SDK1: variants seen among roughly 807,000 people sequenced by gnomAD.
SDK1 encodes sidekick cell adhesion molecule 1, also known as protein sidekick-1.
A neutral mutation model predicts 245.5 loss-of-function variants in SDK1; 157 were observed. The ratio of observed to expected loss-of-function variants is 0.64; its 90% confidence interval spans 0.56 to 0.73. SDK1 has a LOEUF of 0.73. Ranked by LOEUF, SDK1 falls within the 30% of genes least tolerant of loss-of-function variation. The probability of loss-of-function intolerance (pLI) is 0.00; values close to 1 mark genes in which losing one functional copy is unlikely to be tolerated. For missense variants in SDK1, 3,583 were observed against 3,002.3 expected (o/e 1.19, Z -4.52); for synonymous variants, 1,647 against 1,278.5 (o/e 1.29, Z -6.15).
chr7:3,480,448 C>G (rs996474772), intron 1 of SDK1, among the ~76,000 whole-genome samples: 7 of 151,316 alleles, frequency 4.6e-5, no homozygotes, highest in African/African-American at 1.7e-4. Flanking sequence ...GGAAGAACTT[C>G]CGTGTTCCAG....
At chr7:3,929,940 C>G (rs939857616) in intron 5 of SDK1, among the ~76,000 whole-genome samples, 3 of 152,026 alleles carry the variant, frequency 2.0e-5, no homozygotes. Context: ...GTGAGGGGAG[C>G]CGGCGTGTCA....
rs542546486 is a variant in SDK1 at position 3,425,900 on chromosome 7, C to T, written c.298+124016C>T. Among the ~76,000 whole-genome samples, 1,380 of 152,250 alleles carry T rather than the reference C, an allele frequency of 9.1e-3. 19 individuals carry two copies. Among genetic ancestry groups the T allele is most frequent in the South Asian group, 0.018 (88 of 4,814 alleles). ...CAAAAGATAAGAGACAATAGGAGCC[C>T]ACATAGGATGGAAAGCTAGAAATCA... On this transcript the variant is annotated intron_variant, in intron 1 of 44. Transcript: ENST00000404826.
chr7:3,521,119 G>A (rs1189343543), intron 1 of SDK1, among the ~76,000 whole-genome samples: 1 of 152,142 alleles, frequency 6.6e-6, no homozygotes, highest in African/African-American at 2.4e-5. Flanking sequence ...TCTTCTGCCA[G>A]CTCTTGGCCA....
At chr7:3,501,338 G>C (rs951734665) in intron 1 of SDK1, among the ~76,000 whole-genome samples, 2 of 151,088 alleles carry the variant, frequency 1.3e-5, no homozygotes, top group Non-Finnish European at 2.9e-5. Flanking sequence ...TCTCCAACTT[G>C]CTCTTTCCAA....
chr7:4,031,459 G>A lies in SDK1; in HGVS notation c.2602+14107G>A, dbSNP rs145187816. 2.4e-3 allele frequency among the ~76,000 whole-genome samples: 362 copies of A among 152,184 alleles called. 2 individuals carry two copies. The highest frequency in any genetic ancestry group is 8.2e-3 in the African/African-American group (341 of 41,516). On this transcript the variant is annotated intron_variant, in intron 17 of 44. Transcript: ENST00000404826. ...GTATCCAGAGAAAGAGAGGACTAAG[G>A]TTCTATGTAAACGTCTGAATTATGT...
At chr7:3,847,725 C>A (rs573941269) in intron 5 of SDK1, among the ~76,000 whole-genome samples, 18 of 152,332 alleles carry the variant, frequency 1.2e-4, no homozygotes, top group African/African-American at 3.4e-4. Context: ...TTTGTACCTG[C>A]AAATAGTTGC....
chr7:3,825,324 A>C (rs1266301622), intron 5 of SDK1, among the ~76,000 whole-genome samples: 2 of 151,240 alleles, frequency 1.3e-5, no homozygotes, highest in African/African-American at 2.4e-5. Flanking sequence ...CCTCTAAAAA[A>C]AAAAAAAAAA....
chr7:4,235,872 C>T (rs1171078275), intron 41 of SDK1, among the ~76,000 whole-genome samples: 2 of 152,226 alleles, frequency 1.3e-5, no homozygotes, highest in East Asian at 1.9e-4. Context: ...TGTCCTGCCC[C>T]GTATGAGAGT....
intron 1 of SDK1, among the ~76,000 whole-genome samples, chr7:3,328,960 A>T (rs990008904): frequency 2.0e-5 from 3 of 152,164 alleles, no homozygotes; most frequent in Admixed American, 6.5e-5. Flanking sequence ...AAATGTAAGG[A>T]ATCATTTAAA....
chr7:3,638,327 G>A (rs371828563), intron 2 of SDK1, among the ~76,000 whole-genome samples: 5 of 152,042 alleles, frequency 3.3e-5, no homozygotes, highest in Admixed American at 6.5e-5. Flanking sequence ...ATAAAGACAC[G>A]TGCACACGTA....
At chr7:4,189,824 T>A (rs1440919076) in intron 35 of SDK1, among the ~76,000 whole-genome samples, 1 of 152,210 alleles carries the variant, frequency 6.6e-6, no homozygotes, top group Non-Finnish European at 1.5e-5. Flanking sequence ...TTGGTGGCTT[T>A]AGGTGGTGTT....
Position 4,265,424 on chromosome 7 carries a change from C to T in SDK1, c.*40C>T. The T allele has an allele frequency of 7.1e-7, 1 of 1,403,940 alleles. No homozygotes were observed. The highest frequency in any genetic ancestry group is 9.2e-7 in the Non-Finnish European group (1 of 1,087,510). 87.0% of individuals were successfully genotyped at this position (1,403,940 alleles called of 1,614,324 possible). The stretch of plus-strand genomic sequence containing the variant: ...CTCCCTCAGGGCGGAACGGAGGCAA[C>T]TTTCCGGAGTCTATTTTTGTTAAGA... On this transcript the variant is annotated 3_prime_UTR_variant, in exon 45 of 45. Coordinates refer to ENST00000404826, the MANE Select transcript of SDK1 (RefSeq NM_152744.4).
chr7:3,580,090 C>T (rs1008192740), intron 1 of SDK1, among the ~76,000 whole-genome samples: 13 of 151,974 alleles, frequency 8.6e-5, no homozygotes, highest in African/African-American at 2.2e-4. Context: ...AACCAGGGAG[C>T]CAAGAGATCT....
At chr7:3,343,571 A>G (rs926198357) in intron 1 of SDK1, among the ~76,000 whole-genome samples, 5 of 152,190 alleles carry the variant, frequency 3.3e-5, no homozygotes, top group East Asian at 1.9e-4. Flanking sequence ...GAAATACTCT[A>G]TCTTGGCTGT....
chr7:3,385,799 ATCTC>A (rs1326792975), intron 1 of SDK1, among the ~76,000 whole-genome samples: 3 of 152,182 alleles, frequency 2.0e-5, no homozygotes, highest in Non-Finnish European at 4.4e-5. Flanking sequence ...GGATTGTAAT[ATCTC>A]TCAATAACAA....
intron 5 of SDK1, among the ~76,000 whole-genome samples, chr7:3,913,640 A>C (rs1459585264): frequency 1.3e-5 from 2 of 151,998 alleles, no homozygotes; most frequent in Non-Finnish European, 2.9e-5. Context: ...TCTCTGGACT[A>C]TGTTAGTGCT....
chr7:3,727,401 A>T (rs1163109814), intron 4 of SDK1, among the ~76,000 whole-genome samples: 1 of 152,186 alleles, frequency 6.6e-6, no homozygotes, highest in South Asian at 2.1e-4. Context: ...AACGTTTGCC[A>T]TCAGCTTGTC....
chr7:4,176,969 A>G (rs1409907357), intron 34 of SDK1, among the ~76,000 whole-genome samples: 2 of 152,204 alleles, frequency 1.3e-5, no homozygotes, highest in Non-Finnish European at 2.9e-5. Context: ...CTAGACGTGG[A>G]GCCATAATGT....
chr7:4,248,780 CATACAT>C (rs1475172191), intron 44 of SDK1, among the ~76,000 whole-genome samples: 3 of 152,058 alleles, frequency 2.0e-5, no homozygotes, highest in Non-Finnish European at 2.9e-5. Flanking sequence ...ATCATATACT[CATACAT>C]ATACCTACAT....
Sources: gnomAD v4.1 joint callset for allele counts (sites outside exome capture counted in the v4.1 genomes callset) on GRCh38, gnomAD v4.1.1 for gene constraint, MANE v1.5 for transcripts, NCBI Gene and HGNC (gene_info 2026-07-23, HGNC 2026-07-21) for gene names.